LRP1B: variants seen among roughly 807,000 people sequenced by gnomAD.
The protein encoded by LRP1B is low-density lipoprotein receptor-related protein 1B.
LRP1B carries 217 observed loss-of-function variants against 556.6 expected under a neutral mutation model. The ratio of observed to expected loss-of-function variants is 0.39; its 90% CI spans 0.35 to 0.44. The LOEUF (loss-of-function observed/expected upper bound fraction) is 0.44, where lower values mean the gene tolerates loss of function less well. Among genes scored for constraint, LRP1B ranks in the 20% least tolerant of loss-of-function variants. LRP1B has a pLI of 1.00. For missense variants in LRP1B, 5,053 were observed against 5,620.8 expected, an observed-to-expected ratio of 0.90 and a Z score of 3.23; for synonymous variants, 2,047 against 1,865.8, an observed-to-expected ratio of 1.10 and a Z score of -2.50.
At chr2:141,745,877 A>G (rs1384097345) in intron 2 of LRP1B, among the ~76,000 whole-genome samples, 5 of 151,546 alleles carry the variant, frequency 3.3e-5, no homozygotes, top group African/African-American at 1.2e-4. Context: ...TCAAGGCCCA[A>G]GGGATCTTTA....
chr2:140,419,950 G>T (rs1685362634), intron 66 of LRP1B, among the ~76,000 whole-genome samples: 1 of 150,726 alleles, frequency 6.6e-6, no homozygotes, highest in Non-Finnish European at 1.5e-5. Flanking sequence ...GGAGCTTGCA[G>T]TGAGCTGAGA....
intron 1 of LRP1B, among the ~76,000 whole-genome samples, chr2:141,982,034 C>T (rs1702056845): frequency 6.6e-6 from 1 of 152,136 alleles, no homozygotes; most frequent in Non-Finnish European, 1.5e-5. Flanking sequence ...GTTAGACTAT[C>T]ACTGACCAAG....
At chr2:140,730,221 T>G (rs1458480682) in intron 35 of LRP1B, among the ~76,000 whole-genome samples, 2 of 152,230 alleles carry the variant, frequency 1.3e-5, no homozygotes, top group Non-Finnish European at 2.9e-5. Flanking sequence ...TAATTTTATT[T>G]ATCTCAAATA....
At chr2:140,233,623 G>A (rs1353489839) in intron 90 of LRP1B, among the ~76,000 whole-genome samples, 1 of 151,120 alleles carries the variant, frequency 6.6e-6, no homozygotes, top group Non-Finnish European at 1.5e-5. Context: ...TGTTCACTGA[G>A]ACTTTATTAT....
In LRP1B at chr2:141,921,617, A is replaced by G. The variant is rs149809486; in HGVS notation, c.83-111216T>C. On this transcript the variant is annotated intron_variant, in intron 1 of 90. Transcript: ENST00000389484. Reference sequence around the variant, plus strand: ...GAATTATTTTTATAAATATAAGTTCATGCTAGTATAGAGAATCACCACTAT... The same window carrying G: ...GAATTATTTTTATAAATATAAGTTCGTGCTAGTATAGAGAATCACCACTAT... Among the ~76,000 whole-genome samples the G allele has an allele frequency of 3.3e-3, 497 of 152,158 alleles. 4 individuals are homozygous for G. Among genetic ancestry groups the G allele is most frequent in the African/African-American group, 0.011 (476 of 41,570 alleles).
intron 3 of LRP1B, among the ~76,000 whole-genome samples, chr2:141,341,324 G>A (rs1301153156): frequency 6.6e-6 from 1 of 152,070 alleles, no homozygotes; most frequent in Non-Finnish European, 1.5e-5. Context: ...AATTCCTACA[G>A]GGATTTTTTT....
rs184164806 is a variant in LRP1B at position 142,099,071 on chromosome 2, T to C, written c.82+31577A>G. Among the ~76,000 whole-genome samples the C allele has an allele frequency of 2.6e-5, 4 of 151,942 alleles. No individual in the cohort carries two copies. The East Asian group carries it at 5.8e-4, about 22-fold the overall frequency. On this transcript the variant is annotated intron_variant, in intron 1 of 90. Coordinates refer to ENST00000389484, the MANE Select transcript of LRP1B (RefSeq NM_018557.3). ...GGTGCATTTCTGCCTGAAAACATTATTCATATAGAATAAAAATGAGAATGG... is the reference window on the plus strand; with the variant it reads ...GGTGCATTTCTGCCTGAAAACATTACTCATATAGAATAAAAATGAGAATGG...
intron 3 of LRP1B, among the ~76,000 whole-genome samples, chr2:141,383,986 A>T (rs113424436): frequency 0.054 from 8,264 of 152,256 alleles, 256 homozygotes; most frequent in South Asian, 0.08. Flanking sequence ...ATGCTGAGGG[A>T]TGATCTTAAG....
At chr2:141,781,962 C>T (rs1010689238) in intron 2 of LRP1B, among the ~76,000 whole-genome samples, 14 of 152,108 alleles carry the variant, frequency 9.2e-5, no homozygotes, top group Admixed American at 4.6e-4. Context: ...GCTCTCTGAG[C>T]GACTATTTTC....
intron 7 of LRP1B, among the ~76,000 whole-genome samples, chr2:141,149,858 G>A (rs944183569): frequency 3.9e-5 from 6 of 152,206 alleles, no homozygotes; most frequent in Non-Finnish European, 8.8e-5. Flanking sequence ...TAGTATCTGT[G>A]CTATGTATAG....
At chr2:141,464,606 A>ATATATATATATTTTTTTTTTTTTTTTTTT in intron 3 of LRP1B, among the ~76,000 whole-genome samples, 13 of 90,556 alleles carry the variant, frequency 1.4e-4, no homozygotes, top group African/African-American at 3.9e-4. Flanking sequence ...ATATATATAT[A>ATATATATATATTTTTTTTTTTTTTTTTTT]TTTTTTTAGT....
intron 41 of LRP1B, among the ~76,000 whole-genome samples, chr2:140,682,220 G>C (rs1685883363): frequency 2.0e-5 from 3 of 152,150 alleles, no homozygotes; most frequent in Admixed American, 1.3e-4. Context: ...CATCATCCCT[G>C]CTGGAGGAGA....
At chr2:141,013,104 T>C (rs1045012144) in intron 14 of LRP1B, among the ~76,000 whole-genome samples, 2 of 151,930 alleles carry the variant, frequency 1.3e-5, no homozygotes, top group Non-Finnish European at 2.9e-5. Flanking sequence ...GTTCCTTAAA[T>C]ATACATTGAA....
chr2:140,748,431 TTA>T lies in LRP1B; in HGVS notation c.5758+20780_5758+20781del, dbSNP rs1242352468. Among the ~76,000 whole-genome samples, 416 of 85,204 alleles carry T rather than the reference TTA, an allele frequency of 4.9e-3. 5 individuals are homozygous for T. Among genetic ancestry groups the T allele is most frequent in the African/African-American group, 0.016 (392 of 23,790 alleles). The allele number at this position is 85,204 out of a possible 152,430, so 55.9% of individuals were successfully genotyped here. On this transcript the variant is annotated intron_variant, in intron 35 of 90. Coordinates refer to ENST00000389484, the MANE Select transcript of LRP1B (RefSeq NM_018557.3). ...TATTCATATATAATATATATTATAT[TTA>T]TATATATATTATATATATATATACA...
intron 32 of LRP1B, among the ~76,000 whole-genome samples, chr2:140,787,184 T>C (rs1689934972): frequency 1.3e-5 from 2 of 152,218 alleles, no homozygotes; most frequent in Admixed American, 6.5e-5. Context: ...ATTTTATCCT[T>C]GCTCGCCTCC....
chr2:141,057,536 A>T (rs1229379694), intron 9 of LRP1B, among the ~76,000 whole-genome samples: 1 of 151,798 alleles, frequency 6.6e-6, no homozygotes, highest in African/African-American at 2.4e-5. Flanking sequence ...GAGGTAATTG[A>T]ATCATGGGGG....
At chr2:140,954,177 C>G (rs927713614) in intron 18 of LRP1B, among the ~76,000 whole-genome samples, 4 of 152,248 alleles carry the variant, frequency 2.6e-5, no homozygotes, top group Middle Eastern at 3.4e-3. Context: ...TGAGAACTCA[C>G]ATTTATGTTT....
At chr2:141,713,962 T>C (rs1056968446) in intron 2 of LRP1B, among the ~76,000 whole-genome samples, 8 of 152,226 alleles carry the variant, frequency 5.3e-5, no homozygotes, top group Non-Finnish European at 1.0e-4. Context: ...GTAATAGTGA[T>C]TTCCTACCTG....
intron 7 of LRP1B, among the ~76,000 whole-genome samples, chr2:141,117,528 C>T (rs942022674): frequency 2.6e-5 from 4 of 151,482 alleles, no homozygotes; most frequent in East Asian, 1.9e-4. Context: ...ACAGATAGAC[C>T]CTATCACAAT....
Sources: gnomAD v4.1 joint callset for allele counts (sites outside exome capture counted in the v4.1 genomes callset) on GRCh38, gnomAD v4.1.1 for gene constraint, MANE v1.5 for transcripts, NCBI Gene and HGNC (gene_info 2026-07-23, HGNC 2026-07-21) for gene names.